The following ZC3H7A variants were observed in gnomAD, a reference collection of about 807,000 sequenced individuals.
ZC3H7A encodes the protein zinc finger CCCH-type containing 7A.
Under a neutral mutation model 125.5 loss-of-function variants are expected in ZC3H7A, and 44 were observed. The ratio of observed to expected loss-of-function variants is 0.35; its 90% CI spans 0.28 to 0.45. The LOEUF (loss-of-function observed/expected upper bound fraction) is 0.45, where lower values mean the gene tolerates loss of function less well. Ranked by LOEUF, ZC3H7A falls within the 20% of genes least tolerant of loss-of-function variation. ZC3H7A has a pLI of 1.00. For missense variants in ZC3H7A, 977 were observed against 1,170.7 expected (o/e 0.83, Z 2.41); for synonymous variants, 399 against 391.2 (o/e 1.02, Z -0.23).
intron 1 of ZC3H7A, 127 bp from the exon 2 acceptor site, chr16:11,782,515 G>C: frequency 1.3e-6 from 1 of 780,874 alleles, no homozygotes; most frequent in Non-Finnish European, 2.1e-6. Context: ...CTTGACTCCA[G>C]GGTCCTGGAC....
At chr16:11,768,174 TA>T in intron 12 of ZC3H7A, 140 bp downstream of exon 12, 1 of 787,932 alleles carries the variant, frequency 1.3e-6, no homozygotes, top group Non-Finnish European at 1.8e-6. Context: ...CAGTAACTGC[TA>T]CTTGTTTAGG....
chr16:11,767,422 C>T lies in ZC3H7A; in HGVS notation c.1517G>A (p.Cys506Tyr). The change falls in exon 13 of 23, where the codon TGT becomes TAT. Residue 506 changes from cysteine (C) to tyrosine (Y), a missense_variant. Coordinates refer to ENST00000355758, the MANE Select transcript of ZC3H7A (RefSeq NM_014153.4). Reference protein sequence around the residue: ...KTNYEGPYYICKDVAAEEECR... With the variant: ...KTNYEGPYYIYKDVAAEEECR... ...TAAGTAATTACAGTACATACCTTTACATATATAATATGGTCCTTCATAATT... is the reference window on the plus strand; with the variant it reads ...TAAGTAATTACAGTACATACCTTTATATATATAATATGGTCCTTCATAATT... 1 of 1,576,912 alleles carries T rather than the reference C, an allele frequency of 6.3e-7. No individual in the cohort carries two copies.
chr16:11,757,801 G>A (rs772937419), intron 20 of ZC3H7A, among the ~76,000 whole-genome samples: 40 of 152,152 alleles, frequency 2.6e-4, no homozygotes, highest in Non-Finnish European at 2.9e-5. Flanking sequence ...TTGAAACATG[G>A]CAGGCAACAG....
intron 1 of ZC3H7A, among the ~76,000 whole-genome samples, chr16:11,792,938 C>T (rs923295058): frequency 6.6e-6 from 1 of 152,124 alleles, no homozygotes; most frequent in South Asian, 2.1e-4. Context: ...CACACGCATG[C>T]GTGTGCACTT....
intron 10 of ZC3H7A, among the ~76,000 whole-genome samples, chr16:11,769,436 G>T (rs527959263): frequency 1.3e-5 from 2 of 152,022 alleles, no homozygotes; most frequent in Non-Finnish European, 2.9e-5. Flanking sequence ...GCCAGGTGCG[G>T]TGGCTCACAC....
intron 15 of ZC3H7A, among the ~76,000 whole-genome samples, chr16:11,764,282 C>G (rs1175298541): frequency 6.6e-6 from 1 of 152,082 alleles, no homozygotes; most frequent in Non-Finnish European, 1.5e-5. Context: ...GGCGTGATGG[C>G]TCACTCCTAT....
intron 1 of ZC3H7A, among the ~76,000 whole-genome samples, chr16:11,785,272 G>A (rs993316157): frequency 2.6e-5 from 4 of 152,008 alleles, no homozygotes; most frequent in Admixed American, 1.3e-4. Context: ...CTGTGAGGTC[G>A]AGGTTGCAGT....
chr16:11,775,357 C>T (rs559014347), intron 7 of ZC3H7A, among the ~76,000 whole-genome samples: 4 of 147,746 alleles, frequency 2.7e-5, no homozygotes, highest in Non-Finnish European at 4.5e-5. Context: ...GGTGACAGAG[C>T]GAGACTCTGT....
intron 1 of ZC3H7A, among the ~76,000 whole-genome samples, chr16:11,794,002 G>A (rs1472698268): frequency 6.6e-6 from 1 of 152,194 alleles, no homozygotes; most frequent in Non-Finnish European, 1.5e-5. Context: ...TCTGCGAAGA[G>A]GCTCCGCCTG....
intron 1 of ZC3H7A, among the ~76,000 whole-genome samples, chr16:11,788,519 T>C (rs1189868446): frequency 6.6e-6 from 1 of 152,152 alleles, no homozygotes. Flanking sequence ...AGCCACCCAT[T>C]TGCCCTTCCG....
chr16:11,751,529 C>T (rs2052552906), intron 22 of ZC3H7A, 23 bp from the exon 23 acceptor site: 1 of 1,602,044 alleles, frequency 6.2e-7, no homozygotes, highest in African/African-American at 1.3e-5. Flanking sequence ...GTCAGCTGCT[C>T]AGTGTCCATA....
rs893421609 is a variant in ZC3H7A, at chr16:11,751,386, T to C, written c.2847A>G (p.Lys949=). 1 of 1,614,044 alleles carries C rather than the reference T, an allele frequency of 6.2e-7. No individual in the cohort carries two copies. The highest frequency in any genetic ancestry group is 1.3e-5 in the African/African-American group (1 of 74,944). ...ALKMKLNKAR[K]DHLIGPNDND... ...TATCATTTGGGCCAATTAAGTGATC[T>C]TTTCGTGCTTTGTTGAGCTTCATCT... The change falls in exon 23 of 23, where the codon AAA becomes AAG. Residue 949 remains lysine (K), a synonymous_variant. Transcript: ENST00000355758.
rs1242831990 is a variant in ZC3H7A at position 11,758,487 on chromosome 16, G to C, written c.2372C>G (p.Ser791Cys). The C allele has an allele frequency of 1.9e-6, 3 of 1,613,706 alleles. No individual in the cohort carries two copies. The highest frequency in any genetic ancestry group is 2.5e-6 in the Non-Finnish European group (3 of 1,179,804). The stretch of plus-strand genomic sequence containing the variant: ...TCTTTCCTCAGGACTATGAGCAAAG[G>C]AACAGTTTCCAACATATTGACATTT... ...GKKCQYVGNC[S>C]FAHSPEEREV... The change falls in exon 20 of 23, where the codon TCC becomes TGC. Residue 791 changes from serine (S) to cysteine (C), a missense_variant. By Grantham distance (112) the Ser-to-Cys change is moderately radical. This residue lies in a region of ZC3H7A where 436 missense variants were observed against 603.2 expected (regional missense o/e 0.72). Coordinates refer to ENST00000355758, the MANE Select transcript of ZC3H7A (RefSeq NM_014153.4).
At chr16:11,771,595 A>G (rs1013386876) in intron 9 of ZC3H7A, among the ~76,000 whole-genome samples, 47 of 151,042 alleles carry the variant, frequency 3.1e-4, no homozygotes, top group Non-Finnish European at 6.3e-4. Context: ...CCGCCTTCTG[A>G]GTTCAAATGA....
chr16:11,773,825 G>A (rs1411458217), intron 9 of ZC3H7A, among the ~76,000 whole-genome samples: 2 of 151,960 alleles, frequency 1.3e-5, no homozygotes, highest in African/African-American at 2.4e-5. Flanking sequence ...GGAGCTTACA[G>A]TGAGCCAAGA....
At chr16:11,783,221 G>A (rs964425742) in intron 1 of ZC3H7A, among the ~76,000 whole-genome samples, 2 of 152,074 alleles carry the variant, frequency 1.3e-5, no homozygotes, top group Admixed American at 6.6e-5. Flanking sequence ...AATGATTATT[G>A]TTGATACAAC....
intron 1 of ZC3H7A, among the ~76,000 whole-genome samples, chr16:11,791,873 T>C (rs533110216): frequency 6.6e-6 from 1 of 152,294 alleles, no homozygotes; most frequent in African/African-American, 2.4e-5. Context: ...TCCCCTCTTC[T>C]CCTAAATAAA....
At chr16:11,790,104 A>G (rs1340644751) in intron 1 of ZC3H7A, among the ~76,000 whole-genome samples, 1 of 138,562 alleles carries the variant, frequency 7.2e-6, no homozygotes, top group Non-Finnish European at 1.6e-5. Flanking sequence ...AAAAAAAAAG[A>G]ATTTCTAAAG....
intron 1 of ZC3H7A, among the ~76,000 whole-genome samples, chr16:11,792,763 A>C (rs1275921210): frequency 6.6e-6 from 1 of 152,234 alleles, no homozygotes; most frequent in Non-Finnish European, 1.5e-5. Context: ...CCTGGCTCCA[A>C]GCCTGAGAGC....
Sources: gnomAD v4.1 joint callset for allele counts (sites outside exome capture counted in the v4.1 genomes callset) on GRCh38, gnomAD v4.1.1 for gene constraint, gnomAD v4.1.1 regional missense constraint, MANE v1.5 for transcripts, NCBI Gene and HGNC (gene_info 2026-07-23, HGNC 2026-07-21) for gene names.